The following PLCB1 variants were observed in gnomAD, a reference collection of about 807,000 sequenced individuals.
PLCB1 encodes the protein 1-phosphatidylinositol 4,5-bisphosphate phosphodiesterase beta-1.
PLCB1 carries 46 observed loss-of-function variants against 161.8 expected under a neutral mutation model. That is an observed-to-expected ratio of 0.28 (90% CI 0.22 to 0.36). PLCB1 has a LOEUF of 0.36. PLCB1 is among the 10% of genes least tolerant of loss of function. The pLI, the probability that PLCB1 is intolerant of heterozygous loss-of-function variation, is 1.00. For synonymous variants in PLCB1, 517 were observed against 503.7 expected (o/e 1.03, Z -0.35); for missense variants, 1,016 against 1,472.5 (o/e 0.69, Z 5.07).
chr20:8,415,728 A>G (rs951093132), intron 3 of PLCB1, among the ~76,000 whole-genome samples: 1 of 152,222 alleles, frequency 6.6e-6, no homozygotes, highest in African/African-American at 2.4e-5. Context: ...GACATGGTGT[A>G]GGACACCAAC....
At chr20:8,533,788 C>T (rs1388034721) in intron 3 of PLCB1, among the ~76,000 whole-genome samples, 6 of 151,984 alleles carry the variant, frequency 3.9e-5, no homozygotes, top group Middle Eastern at 3.4e-3. Context: ...GAGTAGGTTG[C>T]GGAAATTTTC....
chr20:8,523,494 CTCTA>C lies in PLCB1; in HGVS notation c.247-104798_247-104795del, dbSNP rs1326633071. 1.9e-3 allele frequency among the ~76,000 whole-genome samples: 96 copies of C among 49,594 alleles called. 4 individuals are homozygous for C. Among genetic ancestry groups the C allele is most frequent in the Non-Finnish European group, 2.7e-3 (62 of 23,076 alleles). 32.5% of individuals were successfully genotyped at this position (49,594 alleles called of 152,430 possible). On this transcript the variant is annotated intron_variant, in intron 3 of 31. Transcript: ENST00000338037. ...TCTCTCTCTCTCTCTCTCTCTCTCT[CTCTA>C]TATATATATATATATATATATATGG...
At chr20:8,640,074 C>T (rs1244036545) in intron 4 of PLCB1, among the ~76,000 whole-genome samples, 1 of 152,086 alleles carries the variant, frequency 6.6e-6, no homozygotes, top group East Asian at 1.9e-4. Flanking sequence ...AAGAATCTAG[C>T]TTGCAAAAAG....
chr20:8,567,962 G>A (rs1290441318), intron 3 of PLCB1, among the ~76,000 whole-genome samples: 1 of 152,126 alleles, frequency 6.6e-6, no homozygotes, highest in African/African-American at 2.4e-5. Context: ...AACCAAATTG[G>A]AAATCTGAAG....
intron 4 of PLCB1, among the ~76,000 whole-genome samples, chr20:8,645,655 A>T (rs1437722783): frequency 6.6e-6 from 1 of 152,212 alleles, no homozygotes; most frequent in Non-Finnish European, 1.5e-5. Flanking sequence ...GAATTTCTAG[A>T]ACTGTAGTTA....
chr20:8,737,237 G>T lies in PLCB1; in HGVS notation c.2208+45G>T, dbSNP rs746593422. On this transcript the variant is annotated intron_variant, in intron 20 of 31. Transcript: ENST00000338037. The stretch of plus-strand genomic sequence containing the variant: ...TATGAGTTATAACTGCATTTTTCAG[G>T]TGTTTTACACTGAGAAAATAATGAA... The T allele has an allele frequency of 2.1e-6, 3 of 1,453,464 alleles. No individual in the cohort carries two copies. In the South Asian group the frequency reaches 3.6e-5, roughly 17 times the overall value. The allele number at this position is 1,453,464 out of a possible 1,614,324, so 90.0% of individuals were successfully genotyped here.
intron 3 of PLCB1, among the ~76,000 whole-genome samples, chr20:8,500,364 T>C (rs1983355211): frequency 6.6e-6 from 1 of 152,252 alleles, no homozygotes; most frequent in South Asian, 2.1e-4. Flanking sequence ...TATACTCTTC[T>C]AGTTTCTAGT....
intron 25 of PLCB1, among the ~76,000 whole-genome samples, chr20:8,764,180 G>A (rs963767): frequency 0.9 from 137,615 of 152,064 alleles, 62,919 homozygotes; most frequent in East Asian, 1. Flanking sequence ...AAAGAAAATA[G>A]TAATCATAAT....
intron 3 of PLCB1, among the ~76,000 whole-genome samples, chr20:8,619,480 A>AT (rs199610900): frequency 1.3e-5 from 2 of 152,118 alleles, no homozygotes; most frequent in Non-Finnish European, 2.9e-5. Context: ...ATTTCACTGC[A>AT]TTTTTTCATA....
In PLCB1 at chr20:8,848,051, C is replaced by T. The variant is rs144635795; in HGVS notation, c.3424-33571C>T. ...GACAGAAGAGCAAGAGAGACCAATG[C>T]TATCAAAAGCCTTTCTAAGGACCTT... On this transcript the variant is annotated intron_variant, in intron 31 of 31. Coordinates refer to ENST00000338037, the MANE Select transcript of PLCB1 (RefSeq NM_015192.4). Among the ~76,000 whole-genome samples the T allele has an allele frequency of 3.8e-3, 582 of 152,280 alleles. 4 individuals carry two copies. The highest frequency in any genetic ancestry group is 0.013 in the African/African-American group (551 of 41,558).
intron 4 of PLCB1, among the ~76,000 whole-genome samples, chr20:8,640,814 A>G (rs1988929826): frequency 6.6e-6 from 1 of 152,106 alleles, no homozygotes; most frequent in African/African-American, 2.4e-5. Flanking sequence ...AGAAACAAAC[A>G]TCTCTCCGTT....
intron 3 of PLCB1, among the ~76,000 whole-genome samples, chr20:8,600,359 G>T (rs1431924469): frequency 6.6e-5 from 7 of 105,616 alleles, no homozygotes; most frequent in East Asian, 5.2e-4. Flanking sequence ...ATACCCTGCC[G>T]TGTGAGGTGT....
intron 2 of PLCB1, among the ~76,000 whole-genome samples, chr20:8,205,375 G>C (rs546985768): frequency 6.6e-6 from 1 of 152,064 alleles, no homozygotes; most frequent in Non-Finnish European, 1.5e-5. Flanking sequence ...TCTCGATCCA[G>C]CTACTGATTT....
At chr20:8,207,422 C>T (rs6055647) in intron 2 of PLCB1, among the ~76,000 whole-genome samples, 32,186 of 152,038 alleles carry the variant, frequency 0.21, 3,500 homozygotes, top group South Asian at 0.27. Context: ...CATGGCATCA[C>T]TATGAAGATA....
At chr20:8,208,627 G>C (rs1017528033) in intron 2 of PLCB1, among the ~76,000 whole-genome samples, 2 of 151,430 alleles carry the variant, frequency 1.3e-5, no homozygotes, top group Admixed American at 1.3e-4. Context: ...CTGTTTCCTA[G>C]ATGTCATGTG....
At chr20:8,833,941 C>T (rs1964194253) in intron 31 of PLCB1, among the ~76,000 whole-genome samples, 1 of 152,054 alleles carries the variant, frequency 6.6e-6, no homozygotes, top group African/African-American at 2.4e-5. Flanking sequence ...ACCTTTACAA[C>T]CACATTTCTT....
intron 3 of PLCB1, among the ~76,000 whole-genome samples, chr20:8,415,544 A>G (rs1399127379): frequency 6.6e-6 from 1 of 152,122 alleles, no homozygotes; most frequent in Non-Finnish European, 1.5e-5. Flanking sequence ...GGGGGAGTGA[A>G]GCAGAGAAAG....
intron 2 of PLCB1, among the ~76,000 whole-genome samples, chr20:8,177,191 G>A (rs2051792240): frequency 6.6e-6 from 1 of 152,080 alleles, no homozygotes; most frequent in African/African-American, 2.4e-5. Flanking sequence ...AAGTGATTAG[G>A]TCATGAGAGC....
chr20:8,335,918 G>A (rs1427671429), intron 2 of PLCB1, among the ~76,000 whole-genome samples: 4 of 152,232 alleles, frequency 2.6e-5, no homozygotes, highest in South Asian at 2.1e-4. Flanking sequence ...CTACAATAAC[G>A]CTGGTCAGGG....
Sources: gnomAD v4.1 joint callset for allele counts (sites outside exome capture counted in the v4.1 genomes callset) on GRCh38, gnomAD v4.1.1 for gene constraint, MANE v1.5 for transcripts, NCBI Gene and HGNC (gene_info 2026-07-23, HGNC 2026-07-21) for gene names.